The following FBXL17 variants were observed in gnomAD, a reference collection of about 807,000 sequenced individuals.
The protein encoded by FBXL17 is F-box/LRR-repeat protein 17.
In FBXL17, 22 loss-of-function variants were observed where a neutral mutation model predicts 66.2. That is an observed-to-expected ratio of 0.33 (90% CI 0.24 to 0.47). FBXL17 has a LOEUF of 0.47. FBXL17 is among the 20% of genes least tolerant of loss of function. The pLI, the probability that FBXL17 is intolerant of heterozygous loss-of-function variation, is 1.00. For missense variants in FBXL17, 878 were observed against 948.2 expected (o/e 0.93, Z 0.97); for synonymous variants, 474 against 400.5 (o/e 1.18, Z -2.19).
intron 6 of FBXL17, among the ~76,000 whole-genome samples, chr5:108,040,627 C>T (rs1747009607): frequency 1.3e-5 from 2 of 152,136 alleles, no homozygotes; most frequent in Admixed American, 1.3e-4. Flanking sequence ...AAGTCAAAAG[C>T]AGCATGAATA....
chr5:107,995,398 T>C (rs1286203478), intron 7 of FBXL17, among the ~76,000 whole-genome samples: 1 of 152,204 alleles, frequency 6.6e-6, no homozygotes, highest in Non-Finnish European at 1.5e-5. Context: ...GAGGCAAGCA[T>C]GGCTAAATGA....
intron 6 of FBXL17, among the ~76,000 whole-genome samples, chr5:108,162,422 C>G (rs1267130587): frequency 6.6e-6 from 1 of 152,060 alleles, no homozygotes; most frequent in East Asian, 1.9e-4. Flanking sequence ...CTTGAGCCCA[C>G]AAGTTCAAGG....
rs542445552 is a variant in FBXL17 at position 108,212,548 on chromosome 5, T to C, written c.1614+11573A>G. Among the ~76,000 whole-genome samples the C allele has an allele frequency of 2.8e-4, 42 of 152,340 alleles. No homozygotes were observed. In the South Asian group the frequency reaches 7.9e-3, roughly 29 times the overall value. ...CATGCTCTTCCTTTCTGTTTCTTAG[T>C]TTTCCTTCTGACAGTCAGGCCCCTC... On this transcript the variant is annotated intron_variant, in intron 5 of 8. Coordinates refer to ENST00000542267, the MANE Select transcript of FBXL17 (RefSeq NM_001163315.3).
chr5:108,180,750 T>C (rs1396784315), intron 6 of FBXL17, among the ~76,000 whole-genome samples: 3 of 152,156 alleles, frequency 2.0e-5, no homozygotes, highest in Non-Finnish European at 4.4e-5. Context: ...CTGGCCTTTG[T>C]TATGCTTTGT....
intron 2 of FBXL17, among the ~76,000 whole-genome samples, chr5:108,366,221 T>C (rs1322668073): frequency 6.6e-6 from 1 of 152,182 alleles, no homozygotes; most frequent in Admixed American, 6.6e-5. Flanking sequence ...ACTCAATTCA[T>C]CTGGTGAAAA....
chr5:107,946,255 TTATATATATATATATATATATATA>T (rs55643516), intron 7 of FBXL17, among the ~76,000 whole-genome samples: 1,904 of 40,410 alleles, frequency 0.047, 149 homozygotes, highest in East Asian at 0.23. Context: ...CAATCTCATT[TTATATATATATATATATATATATA>T]TATATATATA....
At chr5:107,970,762 T>C (rs1752342262) in intron 7 of FBXL17, among the ~76,000 whole-genome samples, 1 of 152,268 alleles carries the variant, frequency 6.6e-6, no homozygotes, top group South Asian at 2.1e-4. Flanking sequence ...CAAGGATTGC[T>C]GTAGGTATGG....
chr5:108,279,901 GA>G (rs1354854245), intron 4 of FBXL17, among the ~76,000 whole-genome samples: 1 of 151,728 alleles, frequency 6.6e-6, no homozygotes, highest in African/African-American at 2.4e-5. Flanking sequence ...CAACTCTTTT[GA>G]AATAATCCAG....
chr5:108,274,432 TGA>T (rs1452542534), intron 4 of FBXL17, among the ~76,000 whole-genome samples: 1 of 152,264 alleles, frequency 6.6e-6, no homozygotes, highest in Non-Finnish European at 1.5e-5. Flanking sequence ...TCACCAGCGG[TGA>T]GAGTTTAAGG....
At chr5:108,008,287 T>A (rs993774157) in intron 7 of FBXL17, among the ~76,000 whole-genome samples, 2 of 152,150 alleles carry the variant, frequency 1.3e-5, no homozygotes, top group African/African-American at 2.4e-5. Context: ...AATTTATAAT[T>A]TTTTTGAAAG....
In FBXL17 at chr5:108,382,051, G is replaced by A. The variant is rs893543058; in HGVS notation, c.-360C>T. On this transcript the variant is annotated 5_prime_UTR_variant, in exon 1 of 9. Coordinates refer to ENST00000542267, the MANE Select transcript of FBXL17 (RefSeq NM_001163315.3). ...CCGGGGAAAGGCCGGGTCCCGCTCG[G>A]ACCATTTTAACTGCGGATCCGCCGC... 1 of 898,074 alleles carries A rather than the reference G, an allele frequency of 1.1e-6. No individual in the cohort carries two copies. Among genetic ancestry groups the A allele is most frequent in the Non-Finnish European group, 1.4e-6 (1 of 729,730 alleles). The allele number at this position is 898,074 out of a possible 1,614,324, so 55.6% of individuals were successfully genotyped here.
chr5:107,986,174 AGG>A (rs1471444797), intron 7 of FBXL17, among the ~76,000 whole-genome samples: 1 of 152,078 alleles, frequency 6.6e-6, no homozygotes, highest in Non-Finnish European at 1.5e-5. Context: ...TAGCTGAGGT[AGG>A]TAGTTTAATA....
chr5:108,081,470 C>T (rs1748759581), intron 6 of FBXL17, among the ~76,000 whole-genome samples: 1 of 151,994 alleles, frequency 6.6e-6, no homozygotes, highest in Non-Finnish European at 1.5e-5. Context: ...GCCTGTAATC[C>T]CAGCACTTTG....
chr5:107,993,424 A>C (rs1038346288), intron 7 of FBXL17, among the ~76,000 whole-genome samples: 2 of 152,086 alleles, frequency 1.3e-5, no homozygotes, highest in Non-Finnish European at 2.9e-5. Flanking sequence ...GATTTATTAA[A>C]CCACCACGTG....
At chr5:107,869,013 T>C (rs1391252137) in intron 8 of FBXL17, among the ~76,000 whole-genome samples, 1 of 152,004 alleles carries the variant, frequency 6.6e-6, no homozygotes, top group African/African-American at 2.4e-5. Context: ...AAGAGAGGGG[T>C]GAAGAAGATG....
At chr5:108,044,566 C>T (rs1747178164) in intron 6 of FBXL17, among the ~76,000 whole-genome samples, 1 of 152,078 alleles carries the variant, frequency 6.6e-6, no homozygotes, top group Non-Finnish European at 1.5e-5. Flanking sequence ...GTAAAGGATT[C>T]ATTGGGAACA....
At chr5:107,972,348 T>C (rs1175584916) in intron 7 of FBXL17, among the ~76,000 whole-genome samples, 1 of 152,232 alleles carries the variant, frequency 6.6e-6, no homozygotes, top group East Asian at 1.9e-4. Context: ...TCATATTTTA[T>C]AACAAGGGTA....
chr5:108,003,858 T>C (rs2112721430), intron 7 of FBXL17, among the ~76,000 whole-genome samples: 1 of 152,262 alleles, frequency 6.6e-6, no homozygotes, highest in Non-Finnish European at 1.5e-5. Flanking sequence ...GAAGGTCTAA[T>C]ATATATGGCT....
chr5:107,930,311 T>A (rs1260613961), intron 7 of FBXL17, among the ~76,000 whole-genome samples: 1 of 152,188 alleles, frequency 6.6e-6, no homozygotes, highest in Non-Finnish European at 1.5e-5. Flanking sequence ...CTCTCCCCTC[T>A]GCCAGGCCTT....
Sources: gnomAD v4.1 joint callset for allele counts (sites outside exome capture counted in the v4.1 genomes callset) on GRCh38, gnomAD v4.1.1 for gene constraint, MANE v1.5 for transcripts, NCBI Gene and HGNC (gene_info 2026-07-23, HGNC 2026-07-21) for gene names.